The following GABRG3 variants were observed in gnomAD, a reference collection of about 807,000 sequenced individuals.
GABRG3 encodes gamma-aminobutyric acid receptor subunit gamma-3.
In GABRG3, 25 loss-of-function variants were observed where a neutral mutation model predicts 48.8. The ratio of observed to expected loss-of-function variants is 0.51; its 90% CI spans 0.37 to 0.72. The LOEUF is 0.72. GABRG3 is among the 30% of genes least tolerant of loss of function. The pLI is 0.00. For synonymous variants in GABRG3, 227 were observed against 217.6 expected (o/e 1.04, Z -0.38); for missense variants, 394 against 577.9 (o/e 0.68, Z 3.26).
At chr15:27,206,963 T>G (rs1327263037) in intron 3 of GABRG3, among the ~76,000 whole-genome samples, 1 of 152,212 alleles carries the variant, frequency 6.6e-6, no homozygotes, top group East Asian at 1.9e-4. Flanking sequence ...GAGAGGTCTC[T>G]TGAAGATAGC....
chr15:27,175,196 G>T (rs558549464), intron 3 of GABRG3, among the ~76,000 whole-genome samples: 2 of 152,206 alleles, frequency 1.3e-5, no homozygotes, highest in South Asian at 4.1e-4. Context: ...CTCGAGGAAG[G>T]TCCTACCTCC....
chr15:27,397,566 G>T (rs1450251469), intron 5 of GABRG3, among the ~76,000 whole-genome samples: 1 of 152,032 alleles, frequency 6.6e-6, no homozygotes, highest in Non-Finnish European at 1.5e-5. Context: ...GATTGAGGGC[G>T]TATTCCCTTG....
rs1051254782 is a variant in GABRG3 at position 27,105,487 on chromosome 15, A to T, written c.270+78666A>T. On this transcript the variant is annotated intron_variant, in intron 3 of 9. Coordinates refer to ENST00000615808, the MANE Select transcript of GABRG3 (RefSeq NM_033223.5). ...AAGGGCTTATAGAATGTTCATTGAG[A>T]TATACTGTATCTTGGGTCACAAAAC... Among the ~76,000 whole-genome samples the T allele has an allele frequency of 9.8e-5, 15 of 152,326 alleles. No individual in the cohort carries two copies. The East Asian group carries it at 2.9e-3, about 29-fold the overall frequency.
At chr15:27,242,505 C>T (rs1890156191) in intron 3 of GABRG3, among the ~76,000 whole-genome samples, 1 of 152,196 alleles carries the variant, frequency 6.6e-6, no homozygotes, top group African/African-American at 2.4e-5. Flanking sequence ...AAAAGTTACT[C>T]ATATTACTTT....
At chr15:27,470,803 T>C (rs1889765651) in intron 5 of GABRG3, among the ~76,000 whole-genome samples, 2 of 152,146 alleles carry the variant, frequency 1.3e-5, no homozygotes, top group Non-Finnish European at 2.9e-5. Context: ...GTAAGTATAG[T>C]TTTTAATTAC....
intron 6 of GABRG3, among the ~76,000 whole-genome samples, chr15:27,508,799 T>C (rs1175003791): frequency 6.6e-6 from 1 of 152,064 alleles, no homozygotes; most frequent in Non-Finnish European, 1.5e-5. Flanking sequence ...CTGCAAACTC[T>C]GCCTCCCAGG....
At chr15:27,356,448 A>T (rs912275565) in intron 5 of GABRG3, among the ~76,000 whole-genome samples, 2 of 152,210 alleles carry the variant, frequency 1.3e-5, no homozygotes, top group African/African-American at 4.8e-5. Context: ...GATATCAGAA[A>T]GGAGCTAACA....
At chr15:27,252,721 A>G (rs1026554383) in intron 3 of GABRG3, among the ~76,000 whole-genome samples, 2 of 152,214 alleles carry the variant, frequency 1.3e-5, no homozygotes, top group Admixed American at 6.5e-5. Context: ...CCCAGGCAGA[A>G]TATTGTATCT....
At chr15:27,099,424 G>A (rs930860491) in intron 3 of GABRG3, among the ~76,000 whole-genome samples, 2 of 152,154 alleles carry the variant, frequency 1.3e-5, no homozygotes, top group East Asian at 1.9e-4. Flanking sequence ...CTGTGTCTTC[G>A]CATGGTTTCC....
intron 5 of GABRG3, among the ~76,000 whole-genome samples, chr15:27,343,217 G>T (rs536939359): frequency 6.6e-6 from 1 of 152,150 alleles, no homozygotes; most frequent in South Asian, 2.1e-4. Context: ...CCACGTGGCA[G>T]CTCTAGCAGG....
intron 3 of GABRG3, among the ~76,000 whole-genome samples, chr15:27,171,843 A>G (rs1265012773): frequency 6.6e-6 from 1 of 152,064 alleles, no homozygotes; most frequent in Non-Finnish European, 1.5e-5. Context: ...ATTTTCTACG[A>G]CTGTAATAGA....
At chr15:27,007,583 T>A (rs1828175035) in intron 2 of GABRG3, among the ~76,000 whole-genome samples, 2 of 152,230 alleles carry the variant, frequency 1.3e-5, no homozygotes, top group African/African-American at 4.8e-5. Flanking sequence ...CATCTGTTAT[T>A]TTTTGGCTTC....
intron 3 of GABRG3, among the ~76,000 whole-genome samples, chr15:27,035,584 G>T (rs1352821418): frequency 2.6e-5 from 4 of 152,086 alleles, no homozygotes; most frequent in African/African-American, 9.7e-5. Flanking sequence ...GTTGGGTTGG[G>T]CCCCCTATTA....
At chr15:27,316,155 T>C (rs895924346) in intron 3 of GABRG3, among the ~76,000 whole-genome samples, 18 of 152,042 alleles carry the variant, frequency 1.2e-4, no homozygotes, top group South Asian at 4.1e-4. Context: ...GAGGCCGAGG[T>C]GGGCGGATCA....
Position 27,533,015 on chromosome 15 carries a change from G to T in GABRG3, c.*134G>T. ...GTATCTTGTTATAAATGACCTTTCA[G>T]CAACACAGGAAGTACCCAGCAAAGG... On this transcript the variant is annotated 3_prime_UTR_variant, in exon 10 of 10. Coordinates refer to ENST00000615808, the MANE Select transcript of GABRG3 (RefSeq NM_033223.5). 1.3e-6 allele frequency: 1 copy of T among 777,526 alleles called. No homozygotes were observed. The allele number at this position is 777,526 out of a possible 1,614,324, so 48.2% of individuals were successfully genotyped here. A position where few individuals can be genotyped will look rare whatever the true frequency, so the allele number is the denominator to read the frequency against.
chr15:27,150,081 A>C (rs1461118449), intron 3 of GABRG3, among the ~76,000 whole-genome samples: 4 of 151,722 alleles, frequency 2.6e-5, no homozygotes, highest in Admixed American at 2.6e-4. Context: ...ACTACCCCTT[A>C]CTCCTCCTTC....
At chr15:27,055,041 G>A (rs994470467) in intron 3 of GABRG3, among the ~76,000 whole-genome samples, 15 of 145,074 alleles carry the variant, frequency 1.0e-4, no homozygotes, top group African/African-American at 3.6e-4. Flanking sequence ...TGACTTGTCA[G>A]CTAATAATAG....
In GABRG3 at chr15:27,388,218, A is replaced by G. The variant is rs201998746; in HGVS notation, c.574+59330A>G. Among the ~76,000 whole-genome samples, 179 of 47,912 alleles carry G rather than the reference A, an allele frequency of 3.7e-3. 24 individuals carry two copies. In the East Asian group the frequency reaches 0.12, roughly 31 times the overall value. The allele number at this position is 47,912 out of a possible 152,430, so 31.4% of individuals were successfully genotyped here. A position where few individuals can be genotyped will look rare whatever the true frequency, so the allele number is the denominator to read the frequency against. On this transcript the variant is annotated intron_variant, in intron 5 of 9. Transcript: ENST00000615808. ...TAAGGAAGGAAGGAAGGAAAGGAGG[A>G]AGGAAGGAAAGGGAGGAGGGAGGGA...
chr15:27,493,842 G>C (rs2150850654), intron 6 of GABRG3, among the ~76,000 whole-genome samples: 1 of 152,272 alleles, frequency 6.6e-6, no homozygotes, highest in South Asian at 2.1e-4. Flanking sequence ...ATTTGTTGCG[G>C]TGAAAGAACA....
Sources: gnomAD v4.1 joint callset for allele counts (sites outside exome capture counted in the v4.1 genomes callset) on GRCh38, gnomAD v4.1.1 for gene constraint, MANE v1.5 for transcripts, NCBI Gene and HGNC (gene_info 2026-07-23, HGNC 2026-07-21) for gene names.